Variants in NRXN2 observed in about 807,000 individuals in gnomAD.
NRXN2 encodes neurexin-2-beta.
A neutral mutation model predicts 128.8 loss-of-function variants in NRXN2; 29 were observed. The ratio of observed to expected loss-of-function variants is 0.23; its 90% confidence interval spans 0.17 to 0.31. The LOEUF (loss-of-function observed/expected upper bound fraction) is 0.31. Among genes scored for constraint, NRXN2 ranks in the 10% least tolerant of loss-of-function variants. The pLI is 1.00. For synonymous variants in NRXN2, 1,098 were observed against 1,075.2 expected (o/e 1.02, Z -0.41); for missense variants, 1,881 against 2,452.6 (o/e 0.77, Z 4.92).
intron 5 of NRXN2, among the ~76,000 whole-genome samples, chr11:64,688,172 A>C (rs1057474928): frequency 2.6e-5 from 4 of 152,342 alleles, no homozygotes; most frequent in Admixed American, 2.6e-4. Context: ...GTGGCTGCCA[A>C]GGCCAAGTGG....
intron 17 of NRXN2, among the ~76,000 whole-genome samples, chr11:64,647,234 T>TGTGC (rs1555043992): frequency 1.3e-5 from 2 of 151,546 alleles, no homozygotes; most frequent in Non-Finnish European, 2.9e-5. Flanking sequence ...TGTGTGTGTG[T>TGTGC]GTGCATGTGT....
intron 3 of NRXN2, among the ~76,000 whole-genome samples, chr11:64,693,315 C>CT (rs1182768503): frequency 2.4e-4 from 33 of 140,038 alleles, no homozygotes; most frequent in South Asian, 2.4e-4. Context: ...TTCTTTTTTT[C>CT]TTTTTTTTTT....
chr11:64,656,764 A>G (rs1370447031), intron 11 of NRXN2, among the ~76,000 whole-genome samples: 1 of 152,086 alleles, frequency 6.6e-6, no homozygotes, highest in Non-Finnish European at 1.5e-5. Context: ...AGGGACAGAG[A>G]TCAACTCCCC....
rs140652252 is a variant in NRXN2, at chr11:64,622,777, G to C, written c.4149C>G (p.Pro1383=). The C allele has an allele frequency of 2.5e-6, 4 of 1,610,540 alleles. No individual in the cohort carries two copies. The highest frequency in any genetic ancestry group is 3.4e-6 in the Non-Finnish European group (4 of 1,179,372). ...ATTTTRRGRS[P]TLRDSTTQNT... ...CCTGGGTGGTGCTGTCCCTCAGTGT[G>C]GGGGAGCGGCCCCGGCGCGTGGTGG... Residue 1383 remains proline, a synonymous_variant, in exon 21 of 23, where the codon CCC becomes CCG. Coordinates refer to ENST00000265459, the MANE Select transcript of NRXN2 (RefSeq NM_015080.4). The surrounding 1 kb of genome is among the most constrained non-coding windows in gnomAD (Gnocchi z 4.3).
At chr11:64,659,962 A>C (rs990044402) in intron 11 of NRXN2, among the ~76,000 whole-genome samples, 1 of 152,222 alleles carries the variant, frequency 6.6e-6, no homozygotes. Flanking sequence ...AGTGCTTCTC[A>C]AATGAATGAA....
intron 17 of NRXN2, among the ~76,000 whole-genome samples, chr11:64,647,026 A>C (rs2046782278): frequency 6.6e-6 from 1 of 152,084 alleles, no homozygotes; most frequent in Non-Finnish European, 1.5e-5. Context: ...GAGCTCCTGG[A>C]CCCAGTAGGT....
chr11:64,637,530 G>C (rs908896575), intron 17 of NRXN2: 16 of 152,318 alleles, frequency 1.1e-4, no homozygotes, highest in African/African-American at 3.9e-4. Flanking sequence ...TAATACCCAG[G>C]GTCCTCCTCC....
At chr11:64,700,676 T>C (rs2055211262) in intron 2 of NRXN2, among the ~76,000 whole-genome samples, 1 of 152,090 alleles carries the variant, frequency 6.6e-6, no homozygotes, top group Non-Finnish European at 1.5e-5. Context: ...TCTTGGTCAG[T>C]CTCCCTACCC....
intron 2 of NRXN2, among the ~76,000 whole-genome samples, chr11:64,704,623 C>CACAGAGGGAGAGAG (rs1336665936): frequency 3.1e-4 from 25 of 81,178 alleles, no homozygotes; most frequent in African/African-American, 1.1e-3. Flanking sequence ...CACACACACA[C>CACAGAGGGAGAGAG]AGAGAGAGAG....
chr11:64,705,894 C>T (rs566020835), intron 2 of NRXN2, among the ~76,000 whole-genome samples: 3 of 147,986 alleles, frequency 2.0e-5, no homozygotes, highest in South Asian at 2.1e-4. Flanking sequence ...CAGCAATGGC[C>T]TTCAATCACT....
intron 1 of NRXN2, among the ~76,000 whole-genome samples, chr11:64,717,214 G>A (rs1046316604): frequency 2.0e-5 from 3 of 152,176 alleles, no homozygotes; most frequent in African/African-American, 4.8e-5. Flanking sequence ...CACCCACAGC[G>A]TCCAAGTACT....
chr11:64,661,321 G>GAC (rs2048999756), intron 9 of NRXN2, 182 bp from the exon 10 acceptor site: 1 of 1,477,712 alleles, frequency 6.8e-7, no homozygotes, highest in East Asian at 2.5e-5. Context: ...AAAACTGCTT[G>GAC]ACAAAGGCCC....
In NRXN2 at chr11:64,608,082, C is replaced by A; in HGVS notation, c.4253G>T (p.Gly1418Val). ...GATAATGGGCAATATTAACTCTCCT[C>A]CTAGAACAAGAGAGAGAAGAGAAAA... ...EDLEECEPST[G>V]GELILPIITE... Residue 1418 changes from glycine (G) to valine (V), a missense_variant and splice_region_variant, in exon 23 of 23, where the codon GGA (glycine) becomes GTA (valine). Gly to Val is a moderately radical substitution (Grantham distance 109, BLOSUM62 -3). Transcript: ENST00000265459. 2 of 1,584,670 alleles carry A rather than the reference C, an allele frequency of 1.3e-6. No homozygotes were observed. Among genetic ancestry groups the A allele is most frequent in the East Asian group, 2.3e-5 (1 of 44,436 alleles).
At chr11:64,621,566 G>A (rs116341989) in intron 21 of NRXN2, among the ~76,000 whole-genome samples, 2,617 of 152,234 alleles carry the variant, frequency 0.017, 62 homozygotes, top group African/African-American at 0.059. Flanking sequence ...AGACTGGCAG[G>A]GAGGAGGGGT....
intron 17 of NRXN2, chr11:64,643,366 G>T: frequency 1.5e-6 from 1 of 680,686 alleles, no homozygotes; most frequent in Non-Finnish European, 1.8e-6. Flanking sequence ...CGGGGGAGGG[G>T]GGGGCGGGAG....
chr11:64,620,261 A>T, intron 22 of NRXN2, 33 bp downstream of exon 22: 1 of 1,504,798 alleles, frequency 6.6e-7, no homozygotes, highest in African/African-American at 1.4e-5. Flanking sequence ...TCGCAGAGGG[A>T]CCCGGGGCAG....
chr11:64,671,524 T>C (rs1035525116), intron 7 of NRXN2, among the ~76,000 whole-genome samples: 2 of 150,212 alleles, frequency 1.3e-5, no homozygotes, highest in African/African-American at 2.5e-5. Flanking sequence ...CTGGAAGGGG[T>C]GGGGCCGGTG....
intron 17 of NRXN2, among the ~76,000 whole-genome samples, chr11:64,642,230 C>T (rs1424675112): frequency 2.2e-4 from 33 of 151,374 alleles, no homozygotes; most frequent in Admixed American, 2.2e-3. Context: ...ACAGACAGGG[C>T]GGGGAGGGTA....
At chr11:64,706,325 C>A (rs2056318713) in intron 2 of NRXN2, among the ~76,000 whole-genome samples, 1 of 146,424 alleles carries the variant, frequency 6.8e-6, no homozygotes, top group Admixed American at 7.1e-5. Flanking sequence ...CTCCCCACTC[C>A]CCCCACCCCA....
Sources: gnomAD v4.1 joint callset for allele counts (sites outside exome capture counted in the v4.1 genomes callset) on GRCh38, gnomAD v4.1.1 for gene constraint, Gnocchi (gnomAD v3.1) non-coding constraint, MANE v1.5 for transcripts, NCBI Gene and HGNC (gene_info 2026-07-23, HGNC 2026-07-21) for gene names.